Variants in HDAC9 observed in about 807,000 individuals in gnomAD.
The protein encoded by HDAC9 is histone deacetylase 9.
A neutral mutation model predicts 139.4 loss-of-function variants in HDAC9; 41 were observed. That is an observed-to-expected ratio of 0.29 (90% CI 0.23 to 0.38). HDAC9 has a LOEUF of 0.38. Among genes scored for constraint, HDAC9 ranks in the 10% least tolerant of loss-of-function variants. The pLI is 1.00. For missense variants in HDAC9, 1,147 were observed against 1,297.0 expected (o/e 0.88, Z 1.78); for synonymous variants, 517 against 476.2 (o/e 1.09, Z -1.12).
At chr7:18,941,603 T>C (rs755895813) in intron 23 of HDAC9, among the ~76,000 whole-genome samples, 2 of 152,118 alleles carry the variant, frequency 1.3e-5, no homozygotes, top group Non-Finnish European at 2.9e-5. Context: ...CTGGGAAAGC[T>C]TACAAGCTCC....
intron 1 of HDAC9, among the ~76,000 whole-genome samples, chr7:18,356,361 T>TTTTTTTTG (rs1783283115): frequency 7.9e-6 from 1 of 126,568 alleles, no homozygotes; most frequent in African/African-American, 2.9e-5. Flanking sequence ...CACATAGGTT[T>TTTTTTTTG]TTTTTTTTTT....
At chr7:18,784,903 C>A (rs1275593101) in intron 16 of HDAC9, among the ~76,000 whole-genome samples, 2 of 151,682 alleles carry the variant, frequency 1.3e-5, no homozygotes, top group Non-Finnish European at 2.9e-5. Flanking sequence ...TCATGAACAA[C>A]AGTTTCTCAA....
intron 22 of HDAC9, among the ~76,000 whole-genome samples, chr7:18,905,354 T>G (rs1802136818): frequency 6.6e-6 from 1 of 152,256 alleles, no homozygotes; most frequent in Admixed American, 6.5e-5. Flanking sequence ...AGATGTTCAT[T>G]AAGACAATGT....
At chr7:18,535,378 G>T (rs1232848171) in intron 2 of HDAC9, among the ~76,000 whole-genome samples, 1 of 151,658 alleles carries the variant, frequency 6.6e-6, no homozygotes, top group African/African-American at 2.4e-5. Flanking sequence ...AATATTTTAA[G>T]TTCATAATAC....
chr7:18,850,885 ACT>A (rs1797238194), intron 21 of HDAC9, among the ~76,000 whole-genome samples: 1 of 151,950 alleles, frequency 6.6e-6, no homozygotes, highest in Non-Finnish European at 1.5e-5. Flanking sequence ...GGGTGAGGCA[ACT>A]CTGTAGGTTT....
intron 1 of HDAC9, among the ~76,000 whole-genome samples, chr7:18,479,020 C>T (rs995113143): frequency 2.0e-5 from 3 of 152,010 alleles, no homozygotes; most frequent in Non-Finnish European, 4.4e-5. Context: ...TCTGAATACT[C>T]ATTTTTGATT....
At chr7:18,404,727 C>T (rs1313955362) in intron 1 of HDAC9, among the ~76,000 whole-genome samples, 2 of 152,080 alleles carry the variant, frequency 1.3e-5, no homozygotes, top group Non-Finnish European at 2.9e-5. Flanking sequence ...TTGATATAAA[C>T]AATAGTTAAG....
At chr7:18,186,062 G>A (rs955481834) in intron 2 of HDAC9, among the ~76,000 whole-genome samples, 2 of 152,204 alleles carry the variant, frequency 1.3e-5, no homozygotes, top group African/African-American at 4.8e-5. Context: ...ACACTATGGA[G>A]TAAGGACTAT....
intron 22 of HDAC9, among the ~76,000 whole-genome samples, chr7:18,919,724 A>T (rs956491087): frequency 6.6e-6 from 1 of 152,030 alleles, no homozygotes; most frequent in Non-Finnish European, 1.5e-5. Flanking sequence ...AACAATGTAT[A>T]CTATTATTTA....
At chr7:18,486,966 C>T (rs1796020090) in intron 1 of HDAC9, among the ~76,000 whole-genome samples, 1 of 151,950 alleles carries the variant, frequency 6.6e-6, no homozygotes, top group African/African-American at 2.4e-5. Context: ...GTGGCTTTGC[C>T]AAGGAGATCA....
chr7:18,598,783 A>G (rs1206568909), intron 6 of HDAC9, among the ~76,000 whole-genome samples: 7 of 152,350 alleles, frequency 4.6e-5, no homozygotes, highest in African/African-American at 1.7e-4. Context: ...AAGGTGATCA[A>G]TATTTTCTTT....
intron 17 of HDAC9, among the ~76,000 whole-genome samples, chr7:18,818,908 A>G (rs1457238036): frequency 6.6e-6 from 1 of 152,182 alleles, no homozygotes; most frequent in African/African-American, 2.4e-5. Flanking sequence ...AAGTAAAATG[A>G]TCATATTAAT....
At chr7:18,641,938 C>CA (rs1182336121) in intron 8 of HDAC9, among the ~76,000 whole-genome samples, 1 of 152,022 alleles carries the variant, frequency 6.6e-6, no homozygotes, top group Admixed American at 6.6e-5. Context: ...CTGCTCCGAT[C>CA]AAAAAGCATA....
chr7:18,829,661 G>A (rs1327221599), intron 19 of HDAC9, 113 bp downstream of exon 19: 1 of 655,682 alleles, frequency 1.5e-6, no homozygotes, highest in South Asian at 2.0e-5. Flanking sequence ...ACTGAAGGGT[G>A]TGTTTTCCTT....
At chr7:18,709,255 T>G (rs1039092127) in intron 12 of HDAC9, among the ~76,000 whole-genome samples, 1 of 152,112 alleles carries the variant, frequency 6.6e-6, no homozygotes, top group Non-Finnish European at 1.5e-5. Context: ...GTCCATGTGT[T>G]CTCATTGTTC....
At chr7:18,524,192 G>A (rs1806036731) in intron 2 of HDAC9, among the ~76,000 whole-genome samples, 1 of 152,168 alleles carries the variant, frequency 6.6e-6, no homozygotes, top group Non-Finnish European at 1.5e-5. Flanking sequence ...TACCTGTGTA[G>A]TGAATGTGAG....
At chr7:18,494,310 C>T (rs1796602033), upstream of HDAC9, among the ~76,000 whole-genome samples, 2 of 151,984 alleles carry the variant, frequency 1.3e-5, no homozygotes, top group South Asian at 4.1e-4. Context: ...GTGCTTATTT[C>T]TTCCCTTTCA....
At chr7:18,249,504 AAAAAAAAAAAAAAAAAAAAC>A (rs1794780395) in intron 2 of HDAC9, among the ~76,000 whole-genome samples, 1 of 36,114 alleles carries the variant, frequency 2.8e-5, no homozygotes, top group Non-Finnish European at 4.5e-5. Flanking sequence ...CTCTGTCTCA[AAAAAAAAAAAAAAAAAAAAC>A]AAAAAAAAAA....
intron 2 of HDAC9, among the ~76,000 whole-genome samples, chr7:18,227,930 T>C (rs1793177342): frequency 1.3e-5 from 2 of 152,190 alleles, no homozygotes; most frequent in African/African-American, 4.8e-5. Context: ...TTTATTCATT[T>C]TCCCCTGTGT....
Sources: gnomAD v4.1 joint callset for allele counts (sites outside exome capture counted in the v4.1 genomes callset) on GRCh38, gnomAD v4.1.1 for gene constraint, MANE v1.5 for transcripts, NCBI Gene and HGNC (gene_info 2026-07-23, HGNC 2026-07-21) for gene names.